Variants in MMP19 observed in about 807,000 individuals in gnomAD.
The protein encoded by MMP19 is matrix metalloproteinase-19.
In MMP19, 47 loss-of-function variants were observed where a neutral mutation model predicts 46.6. The ratio of observed to expected loss-of-function variants is 1.01; its 90% CI spans 0.80 to 1.29. The LOEUF is 1.29. MMP19 is among the 50% of genes most tolerant of loss of function. The pLI is 0.00. For synonymous variants in MMP19, 222 were observed against 248.5 expected (o/e 0.89, Z 1.00); for missense variants, 589 against 643.5 (o/e 0.92, Z 0.92).
In MMP19 at chr12:55,840,833, G is replaced by T; in HGVS notation, c.354C>A (p.Ser118=). ...HLTFRILNLP[S]TLPPHTARAA... ...CCCGGGCTGTGTGGGGTGGAAGGGT[G>T]GAGGGCAGGTTCAAGATGCGGAAAG... Residue 118 remains serine, a synonymous_variant, in exon 4 of 9, where the codon TCC becomes TCA. Transcript: ENST00000322569. 1 of 1,603,456 alleles carries T rather than the reference G, an allele frequency of 6.2e-7. No homozygotes were observed. Among genetic ancestry groups the T allele is most frequent in the South Asian group, 1.1e-5 (1 of 90,680 alleles).
chr12:55,837,859 C>T lies in MMP19; in HGVS notation c.1044G>A (p.Trp348Ter). The T allele has an allele frequency of 1.2e-6, 2 of 1,606,996 alleles. No homozygotes were observed. Among genetic ancestry groups the T allele is most frequent in the Non-Finnish European group, 1.7e-6 (2 of 1,174,346 alleles). ...CCTCCTTACCCTTAAAGAAGTGAATCCATTGTGTTCGAGGCGAGTAGACAG... is the reference window on the plus strand; with the variant it reads ...CCTCCTTACCCTTAAAGAAGTGAATTCATTGTGTTCGAGGCGAGTAGACAG... ...DAAVYSPRTQ[W>*]IHFFKGDKVW... Residue 348 changes from tryptophan (W) to a stop codon, truncating the protein, a stop_gained, in exon 7 of 9, where the codon TGG (tryptophan) becomes TGA (stop). Transcript: ENST00000322569. LOFTEE classifies it high-confidence loss of function.
Position 55,837,203 on chromosome 12 carries a change from G to A in MMP19, c.1360C>T (p.Gln454Ter), listed in dbSNP as rs1363111789. The A allele has an allele frequency of 1.2e-6, 2 of 1,614,122 alleles. No individual in the cohort carries two copies. The highest frequency in any genetic ancestry group is 2.7e-5 in the African/African-American group (2 of 74,938). Residue 454 changes from glutamine (Q) to a stop codon, truncating the protein, a stop_gained, in exon 9 of 9, where the codon CAG becomes TAG. Transcript: ENST00000322569. LOFTEE classifies it low-confidence loss of function (END_TRUNC). ...KGKVYWRLNQ[Q>*]LRVEKGYPRN... ...GGATAGCCTTTCTCTACTCGAAGCT[G>A]CTGGTTGAGGCGCCAGTAGACTTTG...
intron 6 of MMP19, 26 bp from the exon 7 acceptor site, chr12:55,838,033 T>A: frequency 6.5e-7 from 1 of 1,531,522 alleles, no homozygotes; most frequent in Admixed American, 2.1e-5. Context: ...TGTCAACAAG[T>A]CAAAAAGACA....
chr12:55,840,513 C>A (rs536294611), intron 4 of MMP19, among the ~76,000 whole-genome samples, 154 bp downstream of exon 4: 2 of 152,140 alleles, frequency 1.3e-5, no homozygotes, highest in East Asian at 3.9e-4. Context: ...AGATGACCAA[C>A]TGCGCCCGTG....
chr12:55,837,694 T>G lies in MMP19; in HGVS notation c.1061-12A>C, dbSNP rs759898268. ...CCACACCTTGTCTCCTGAGAGCATG[T>G]GAGGAAAGAACAAGTCACCTCTGTC... On this transcript the variant is annotated splice_polypyrimidine_tract_variant and intron_variant, in intron 7 of 8. Coordinates refer to ENST00000322569, the MANE Select transcript of MMP19 (RefSeq NM_002429.6). 1.9e-6 allele frequency: 3 copies of G among 1,614,012 alleles called. No homozygotes were observed. The highest frequency in any genetic ancestry group is 2.7e-5 in the African/African-American group (2 of 74,906).
intron 4 of MMP19, 70 bp from the exon 5 acceptor site, chr12:55,839,811 T>C: frequency 6.6e-7 from 1 of 1,514,458 alleles, no homozygotes. Flanking sequence ...CTGCCTATTA[T>C]AAACTCTAAT....
chr12:55,842,661 G>A, intron 1 of MMP19, 83 bp downstream of exon 1: 1 of 1,174,678 alleles, frequency 8.5e-7, no homozygotes, highest in Non-Finnish European at 1.2e-6. Flanking sequence ...CAGGCTGAAG[G>A]TCAGGAGGGA....
At chr12:55,841,947 G>A (rs1360680493) in intron 2 of MMP19, among the ~76,000 whole-genome samples, 2 of 152,024 alleles carry the variant, frequency 1.3e-5, no homozygotes, top group African/African-American at 4.8e-5. Flanking sequence ...TCTGAGAGCA[G>A]AAAGAAAAAT....
In MMP19 at chr12:55,837,615, T is replaced by C; in HGVS notation, c.1128A>G (p.Val376=). 1.2e-6 allele frequency: 2 copies of C among 1,614,206 alleles called. No homozygotes were observed. The highest frequency in any genetic ancestry group is 1.7e-6 in the Non-Finnish European group (2 of 1,180,028). The part of the protein sequence containing the change: ...SPGFPKKLNR[V]EPNLDAALYW... ...AGAGAGCTGCATCCAGGTTAGGTTC[T>C]ACCCTATTCAGCTTCTTGGGGAAGC... Residue 376 remains valine, a synonymous_variant, in exon 8 of 9, where the codon GTA becomes GTG. Transcript: ENST00000322569.
In MMP19 at chr12:55,838,651, G is replaced by A. The variant is rs745862921; in HGVS notation, c.850C>T (p.Pro284Ser). Residue 284 changes from proline (P) to serine (S), a missense_variant, in exon 6 of 9, where the codon CCC becomes TCC. Coordinates refer to ENST00000322569, the MANE Select transcript of MMP19 (RefSeq NM_002429.6). Reference protein sequence around the residue: ...TVPPVPTEPSPMPDPCSSELD... With the variant: ...TVPPVPTEPSSMPDPCSSELD... ...TCACTACTGCAAGGGTCTGGCATGGGACTGGGTTCTGTGGGCACTGGGGGC... is the reference window on the plus strand; with the variant it reads ...TCACTACTGCAAGGGTCTGGCATGGAACTGGGTTCTGTGGGCACTGGGGGC... 12 of 1,614,106 alleles carry A rather than the reference G, an allele frequency of 7.4e-6. No individual in the cohort carries two copies. The Middle Eastern group carries it at 6.6e-4, about 89-fold the overall frequency.
At chr12:55,838,231 C>G in intron 6 of MMP19, 3 of 623,254 alleles carry the variant, frequency 4.8e-6, no homozygotes, top group Non-Finnish European at 8.3e-6. Flanking sequence ...AAAACAAAAG[C>G]CCTGCAGATA....
Position 55,837,241 on chromosome 12 carries a change from T to G in MMP19, c.1322A>C (p.Tyr441Ser), listed in dbSNP as rs753201607. 5.0e-6 allele frequency: 8 copies of G among 1,614,194 alleles called. No individual in the cohort carries two copies. Among genetic ancestry groups the G allele is most frequent in the Non-Finnish European group, 6.8e-6 (8 of 1,180,030 alleles). ...AAMSWQDGRV[Y>S]FFKGKVYWRL... ...CCAGTAGACTTTGCCCTTGAAGAAG[T>G]AGACTCGGCCATCTTGCCAACTCAT... The change falls in exon 9 of 9, where the codon TAC (tyrosine) becomes TCC (serine). Residue 441 changes from tyrosine to serine, a missense_variant. Transcript: ENST00000322569.
Position 55,836,990 on chromosome 12 carries a change from G to A in MMP19, c.*46C>T, listed in dbSNP as rs771057662. On this transcript the variant is annotated 3_prime_UTR_variant, in exon 9 of 9. Coordinates refer to ENST00000322569, the MANE Select transcript of MMP19 (RefSeq NM_002429.6). The stretch of plus-strand genomic sequence containing the variant: ...GGGGGGAAATGAAAGGGTGGGTGGT[G>A]GAGCCTCAGGGGTTAATGTCCAAGA... The A allele has an allele frequency of 6.7e-7, 1 of 1,482,760 alleles. No homozygotes were observed. Among genetic ancestry groups the A allele is most frequent in the Admixed American group, 2.1e-5 (1 of 46,734 alleles). 91.9% of individuals were successfully genotyped at this position (1,482,760 alleles called of 1,614,324 possible).
rs1881643399 is a variant in MMP19 at position 55,840,863 on chromosome 12, GTGC to G, written c.321_323del (p.Lys107_His108delinsAsn). ...GCAGGTTCAAGATGCGGAAAGTCAG[GTGC>G]TTCTTTCTCCAGCGGCCTAGTTAAT... On this transcript the variant is annotated inframe_deletion, in exon 4 of 9. Coordinates refer to ENST00000322569, the MANE Select transcript of MMP19 (RefSeq NM_002429.6). The G allele has an allele frequency of 1.3e-6, 2 of 1,588,756 alleles. No individual in the cohort carries two copies. The highest frequency in any genetic ancestry group is 4.5e-5 in the East Asian group (2 of 44,330).
At position 55,841,058 on chromosome 12, in the gene MMP19, AC is replaced by A. The variant is rs758051632; in HGVS notation, c.304+47del. On this transcript the variant is annotated intron_variant, in intron 3 of 8. Coordinates refer to ENST00000322569, the MANE Select transcript of MMP19 (RefSeq NM_002429.6). ...GTCCTAATGCCACCCACACGCCAGAACCACATCACCCCCTCCTCTCCCTCTC... is the reference window on the plus strand; with the variant it reads ...GTCCTAATGCCACCCACACGCCAGAACACATCACCCCCTCCTCTCCCTCTC... 32 of 1,598,648 alleles carry A rather than the reference AC, an allele frequency of 2.0e-5. No individual in the cohort carries two copies. The Admixed American group carries it at 2.2e-4, about 11-fold the overall frequency.
rs1339887337 is a variant in MMP19 at position 55,841,104 on chromosome 12, A to T, written c.304+2T>A. On this transcript the variant is annotated splice_donor_variant, in intron 3 of 8. Coordinates refer to ENST00000322569, the MANE Select transcript of MMP19 (RefSeq NM_002429.6). LOFTEE classifies it high-confidence loss of function. Reference sequence around the variant, plus strand: ...CCTCTCTTTTCCAGGCTCTGTTCTCACCCAGCAACAGGTATTTAAGGGTCT... The same window carrying T: ...CCTCTCTTTTCCAGGCTCTGTTCTCTCCCAGCAACAGGTATTTAAGGGTCT... 7.4e-6 allele frequency: 12 copies of T among 1,610,738 alleles called. No homozygotes were observed. Among genetic ancestry groups the T allele is most frequent in the African/African-American group, 1.3e-5 (1 of 74,766 alleles).
At chr12:55,842,050 A>G (rs1360726030) in intron 2 of MMP19, among the ~76,000 whole-genome samples, 2 of 152,168 alleles carry the variant, frequency 1.3e-5, no homozygotes, top group Non-Finnish European at 2.9e-5. Context: ...CAACAACTCA[A>G]CTCAGTTTTA....
At chr12:55,839,815 C>A in intron 4 of MMP19, 74 bp from the exon 5 acceptor site, 1 of 1,506,668 alleles carries the variant, frequency 6.6e-7, no homozygotes, top group Non-Finnish European at 8.9e-7. Context: ...CTATTATAAA[C>A]TCTAATTAAT....
chr12:55,838,190 C>T (rs893740639), intron 6 of MMP19, 183 bp from the exon 7 acceptor site: 62 of 662,984 alleles, frequency 9.4e-5, no homozygotes, highest in Non-Finnish European at 1.5e-4. Flanking sequence ...TGCTTTGTTG[C>T]TCAGAGCGTT....
Sources: gnomAD v4.1 joint callset for allele counts (sites outside exome capture counted in the v4.1 genomes callset) on GRCh38, gnomAD v4.1.1 for gene constraint, MANE v1.5 for transcripts, NCBI Gene and HGNC (gene_info 2026-07-23, HGNC 2026-07-21) for gene names.